MYO9A: variants seen among roughly 807,000 people sequenced by gnomAD.
MYO9A encodes myosin IXA.
In MYO9A, 103 loss-of-function variants were observed where a neutral mutation model predicts 293.3. The observed-to-expected ratio is 0.35, with a 90% CI of 0.30 to 0.41. MYO9A has a LOEUF of 0.41. MYO9A is among the 10% of genes least tolerant of loss of function. MYO9A has a pLI of 1.00. For missense variants in MYO9A, 2,685 were observed against 3,033.0 expected, an observed-to-expected ratio of 0.89 and a Z score of 2.69; for synonymous variants, 1,001 against 1,035.7, an observed-to-expected ratio of 0.97 and a Z score of 0.64.
chr15:71,878,874 A>C (rs2142409816), intron 30 of MYO9A, among the ~76,000 whole-genome samples: 1 of 150,628 alleles, frequency 6.6e-6, no homozygotes, highest in South Asian at 2.1e-4. Context: ...CTCCTGCCTC[A>C]GCCTCCCCAG....
At chr15:72,010,263 T>G in intron 7 of MYO9A, 87 bp downstream of exon 7, 1 of 1,067,960 alleles carries the variant, frequency 9.4e-7, no homozygotes. Context: ...CTTAGAAAAC[T>G]ATTTAAAAAG....
At chr15:71,939,564 T>A (rs977805237) in intron 15 of MYO9A, among the ~76,000 whole-genome samples, 2 of 152,220 alleles carry the variant, frequency 1.3e-5, no homozygotes, top group African/African-American at 4.8e-5. Flanking sequence ...ACAAATTCAT[T>A]TCTTATTTTG....
intron 1 of MYO9A, among the ~76,000 whole-genome samples, chr15:72,093,506 G>A (rs1026595471): frequency 1.3e-5 from 2 of 151,504 alleles, no homozygotes; most frequent in African/African-American, 4.9e-5. Flanking sequence ...ACTGCACTCC[G>A]CCCTGGGCAA....
At chr15:72,000,126 C>CA (rs2076821637) in intron 8 of MYO9A, among the ~76,000 whole-genome samples, 186 bp from the exon 9 acceptor site, 1 of 152,124 alleles carries the variant, frequency 6.6e-6, no homozygotes. Flanking sequence ...ACTCAAAAGA[C>CA]AAATGGGTTT....
chr15:71,931,996 T>TC lies in MYO9A; in HGVS notation c.2562+1673dup, dbSNP rs539797409. ...GTCTGGCCAGAAATTCTAGGGTACC[T>TC]CTCAAACCTTTGTGTTTGTCCAAAC... On this transcript the variant is annotated intron_variant, in intron 18 of 41. Transcript: ENST00000356056. Among the ~76,000 whole-genome samples, 24 of 152,198 alleles carry TC rather than the reference T, an allele frequency of 1.6e-4. 1 individual carries two copies. The South Asian group carries it at 4.8e-3, about 30-fold the overall frequency.
At chr15:72,019,938 G>C (rs1382849052) in intron 5 of MYO9A, among the ~76,000 whole-genome samples, 1 of 152,054 alleles carries the variant, frequency 6.6e-6, no homozygotes, top group Non-Finnish European at 1.5e-5. Context: ...TTTTAGCAGA[G>C]ACAAGGTTTC....
Position 71,826,706 on chromosome 15 carries a change from G to C in MYO9A, c.7521C>G (p.Asn2507Lys). Residue 2507 changes from asparagine (N) to lysine (K), a missense_variant, in exon 42 of 42, where the codon AAC (asparagine) becomes AAG (lysine). Around this residue, in one of 10 missense-constraint regions of MYO9A, gnomAD observed 350 missense variants for 328.9 expected, o/e 1.06. Coordinates refer to ENST00000356056, the MANE Select transcript of MYO9A (RefSeq NM_006901.4). ...KGKQKLKNVK[N>K]SPQKTKETPE... ...GGGTCTCTTTGGTTTTCTGAGGTGA[G>C]TTTTTCACATTCTTTAATTTTTGTT... 6.2e-7 allele frequency: 1 copy of C among 1,614,138 alleles called. No individual in the cohort carries two copies. The highest frequency in any genetic ancestry group is 8.5e-7 in the Non-Finnish European group (1 of 1,179,996).
chr15:71,860,389 A>G (rs1399269091), intron 33 of MYO9A, among the ~76,000 whole-genome samples: 1 of 152,230 alleles, frequency 6.6e-6, no homozygotes, highest in Non-Finnish European at 1.5e-5. Context: ...GAAAATGTTC[A>G]GAGCTAAAAT....
At chr15:71,865,968 TTAATA>T (rs1451752428) in intron 32 of MYO9A, among the ~76,000 whole-genome samples, 4 of 152,208 alleles carry the variant, frequency 2.6e-5, no homozygotes, top group Non-Finnish European at 5.9e-5. Context: ...GAATCAAAAC[TTAATA>T]TAATTAACGT....
chr15:72,038,338 C>A (rs535544803), intron 2 of MYO9A, among the ~76,000 whole-genome samples: 111 of 152,302 alleles, frequency 7.3e-4, no homozygotes, highest in African/African-American at 2.6e-3. Context: ...GTTATTTAAC[C>A]TGGCCAAAAT....
At chr15:71,903,187 T>C in intron 21 of MYO9A, 124 bp from the exon 22 acceptor site, 2 of 789,858 alleles carry the variant, frequency 2.5e-6, no homozygotes, top group East Asian at 3.0e-5. Flanking sequence ...AAGACGTGCA[T>C]GTTAATTTAA....
At position 71,898,048 on chromosome 15, in the gene MYO9A, A is replaced by G; in HGVS notation, c.4455T>C (p.Pro1485=). The G allele has an allele frequency of 6.2e-7, 1 of 1,614,120 alleles. No homozygotes were observed. The highest frequency in any genetic ancestry group is 1.3e-5 in the African/African-American group (1 of 75,038). ...VPSLNTESSN[P]VLKKLEKLNT... Reference sequence around the variant, plus strand: ...TTAGCTTTTCTAACTTCTTAAGCACAGGATTAGAAGACTCTGTATTCAAAG... The same window carrying G: ...TTAGCTTTTCTAACTTCTTAAGCACGGGATTAGAAGACTCTGTATTCAAAG... Residue 1485 remains proline, a synonymous_variant, in exon 25 of 42, where the codon CCT becomes CCC. Transcript: ENST00000356056.
At chr15:71,967,352 C>T (rs1205607072) in intron 13 of MYO9A, among the ~76,000 whole-genome samples, 1 of 152,150 alleles carries the variant, frequency 6.6e-6, no homozygotes, top group African/African-American at 2.4e-5. Context: ...CTGTGTTCAA[C>T]AAATACTTCT....
chr15:72,027,049 G>A (rs145881208), intron 4 of MYO9A, among the ~76,000 whole-genome samples: 116 of 152,280 alleles, frequency 7.6e-4, no homozygotes, highest in African/African-American at 2.8e-3. Context: ...AACTCTTCTA[G>A]AGAATTGGTT....
rs1366519467 is a variant in MYO9A, at chr15:71,899,815, G to A, written c.3342C>T (p.Arg1114=). 1 of 1,614,118 alleles carries A rather than the reference G, an allele frequency of 6.2e-7. No homozygotes were observed. The highest frequency in any genetic ancestry group is 1.3e-5 in the African/African-American group (1 of 75,040). The change falls in exon 24 of 42, where the codon CGC becomes CGT. Residue 1114 remains arginine, a synonymous_variant. Coordinates refer to ENST00000356056, the MANE Select transcript of MYO9A (RefSeq NM_006901.4). The part of the protein sequence containing the change: ...IQQKWRDYYR[R]RHMAAICIQA... The stretch of plus-strand genomic sequence containing the variant: ...GTATGCAAATAGCAGCCATGTGCCT[G>A]CGCCTATAGTAATCTCTCCATTTCT...
intron 12 of MYO9A, among the ~76,000 whole-genome samples, chr15:71,969,241 T>A (rs2075954051): frequency 6.6e-6 from 1 of 152,204 alleles, no homozygotes; most frequent in South Asian, 2.1e-4. Context: ...GATATTTTCT[T>A]GGTCACCTTG....
intron 32 of MYO9A, among the ~76,000 whole-genome samples, chr15:71,870,444 A>G (rs2056472624): frequency 6.6e-6 from 1 of 152,224 alleles, no homozygotes; most frequent in African/African-American, 2.4e-5. Flanking sequence ...AGTCATGTGT[A>G]TATAGGGGTA....
intron 11 of MYO9A, among the ~76,000 whole-genome samples, chr15:71,981,867 T>C (rs915998170): frequency 2.0e-5 from 3 of 152,120 alleles, no homozygotes; most frequent in African/African-American, 7.2e-5. Flanking sequence ...CAGGGATCAC[T>C]GATTTTAAAC....
chr15:72,106,658 C>T (rs1032097611), intron 1 of MYO9A, among the ~76,000 whole-genome samples: 1 of 151,642 alleles, frequency 6.6e-6, no homozygotes, highest in African/African-American at 2.4e-5. Context: ...TGGAGTGCAG[C>T]AGCGCAATCA....
Sources: allele counts gnomAD v4.1 joint callset (sites outside exome capture counted in the v4.1 genomes callset), GRCh38; gene constraint gnomAD v4.1.1; regional missense constraint gnomAD v4.1.1; transcripts MANE v1.5; gene names NCBI Gene and HGNC (gene_info 2026-07-23, HGNC 2026-07-21).